The following PCDH15 variants were observed in gnomAD, a reference collection of about 807,000 sequenced individuals.
PCDH15 encodes protocadherin related 15.
In PCDH15, 129 loss-of-function variants were observed where a neutral mutation model predicts 178.5. The observed-to-expected ratio is 0.72, with a 90% confidence interval of 0.63 to 0.84. The LOEUF is 0.84. Among genes scored for constraint, PCDH15 ranks in the 40% least tolerant of loss-of-function variants. PCDH15 has a pLI of 0.00. For missense variants in PCDH15, 2,230 were observed against 2,099.9 expected (o/e 1.06, Z -1.21); for synonymous variants, 800 against 732.0 (o/e 1.09, Z -1.50).
rs529100962 is a variant in PCDH15, at chr10:54,950,089, C to T, written c.-79-52589G>A. Among the ~76,000 whole-genome samples, 3 of 152,082 alleles carry T rather than the reference C, an allele frequency of 2.0e-5. No individual in the cohort carries two copies. The East Asian group carries it at 5.8e-4, about 29-fold the overall frequency. On this transcript the variant is annotated intron_variant, in intron 2 of 5. Transcript: ENST00000458638. ...ACAGCAGTGCACTATTATCTCGATACCAATTTACTATATTAGTCCATTTTC... is the reference window on the plus strand; with the variant it reads ...ACAGCAGTGCACTATTATCTCGATATCAATTTACTATATTAGTCCATTTTC...
At chr10:54,937,680 C>T (rs1433235714) in intron 2 of PCDH15, among the ~76,000 whole-genome samples, 1 of 151,834 alleles carries the variant, frequency 6.6e-6, no homozygotes, top group Non-Finnish European at 1.5e-5. Context: ...TCTGCAACCT[C>T]GATGGTCTTA....
intron 3 of PCDH15, among the ~76,000 whole-genome samples, chr10:54,413,216 G>T (rs1234329809): frequency 1.3e-5 from 2 of 152,198 alleles, no homozygotes; most frequent in South Asian, 2.1e-4. Context: ...TAATAGACAA[G>T]TAACGAAGGG....
intron 2 of PCDH15, among the ~76,000 whole-genome samples, chr10:55,466,015 T>C (rs1437638897): frequency 6.6e-6 from 1 of 152,210 alleles, no homozygotes; most frequent in Non-Finnish European, 1.5e-5. Context: ...ACATGCCTAC[T>C]GTGAGCTCTG....
intron 1 of PCDH15, among the ~76,000 whole-genome samples, chr10:55,177,665 C>T (rs779145079): frequency 1.8e-4 from 27 of 152,186 alleles, no homozygotes; most frequent in Non-Finnish European, 3.7e-4. Flanking sequence ...ACAACCATCT[C>T]CTCAAATATC....
At position 55,403,998 on chromosome 10, in the gene PCDH15, A is replaced by C. The variant is rs79424620; in HGVS notation, c.-156+223627T>G. ...AAGTTTAAATGGATACAGTCTAACT[A>C]TGGAAAGTTAAAGTTGCTGGATGGT... On this transcript the variant is annotated intron_variant, in intron 2 of 5. Coordinates refer to the PCDH15 transcript ENST00000613346. Among the ~76,000 whole-genome samples, 1,206 of 152,152 alleles carry C rather than the reference A, an allele frequency of 7.9e-3. 15 individuals are homozygous for C. Among genetic ancestry groups the C allele is most frequent in the African/African-American group, 0.026 (1,084 of 41,556 alleles).
At position 53,859,750 on chromosome 10, in the gene PCDH15, G is replaced by A. The variant is rs925792512; in HGVS notation, c.3718-2487C>T. 3.9e-5 allele frequency among the ~76,000 whole-genome samples: 6 copies of A among 152,136 alleles called. No homozygotes were observed. In the South Asian group the frequency reaches 1.0e-3, roughly 26 times the overall value. ...TAGATCCGAAAAACCATACAATCAGGTGTCAGGCTGTATATACCAGAAATC... is the reference window on the plus strand; with the variant it reads ...TAGATCCGAAAAACCATACAATCAGATGTCAGGCTGTATATACCAGAAATC... On this transcript the variant is annotated intron_variant, in intron 27 of 37. Coordinates refer to ENST00000644397, the MANE Select transcript of PCDH15 (RefSeq NM_001384140.1).
At chr10:53,988,070 G>A (rs1389514296) in intron 21 of PCDH15, among the ~76,000 whole-genome samples, 1 of 152,066 alleles carries the variant, frequency 6.6e-6, no homozygotes, top group East Asian at 1.9e-4. Context: ...TTTTCTGCCC[G>A]ATCCATCCCA....
chr10:55,539,892 C>A (rs896541425), intron 2 of PCDH15, among the ~76,000 whole-genome samples: 8 of 152,010 alleles, frequency 5.3e-5, no homozygotes, highest in Non-Finnish European at 8.8e-5. Context: ...CAGATATTAA[C>A]TTAGTTAATC....
intron 9 of PCDH15, among the ~76,000 whole-genome samples, chr10:54,227,877 A>G (rs763953986): frequency 3.2e-4 from 48 of 152,166 alleles, no homozygotes; most frequent in Non-Finnish European, 6.3e-4. Flanking sequence ...AAAACATAAC[A>G]AGAGTCACCT....
chr10:54,130,356 A>T (rs1013024510), intron 15 of PCDH15, among the ~76,000 whole-genome samples: 9 of 152,182 alleles, frequency 5.9e-5, no homozygotes, highest in African/African-American at 1.9e-4. Context: ...AGAGATGCAC[A>T]TGACTGGCTC....
chr10:54,183,499 AT>A lies in PCDH15; in HGVS notation c.1534del (p.Ile512TyrfsTer11). 6.2e-7 allele frequency: 1 copy of A among 1,613,810 alleles called. No homozygotes were observed. Among genetic ancestry groups the A allele is most frequent in the South Asian group, 1.1e-5 (1 of 91,080 alleles). On this transcript the variant is annotated frameshift_variant, in exon 13 of 38. Coordinates refer to ENST00000644397, the MANE Select transcript of PCDH15 (RefSeq NM_001384140.1). LOFTEE classifies it high-confidence loss of function. ...TGTATAAACATACACATCATAGGAT[AT>A]TTCAGGGAAGGTTGGCGTGTTATCA... The part of the protein sequence containing the change: ...ANDNTPTFPE[I>X]SYDVYVYTDM...
intron 8 of PCDH15, among the ~76,000 whole-genome samples, chr10:54,317,007 G>T (rs1221057966): frequency 6.6e-6 from 1 of 152,004 alleles, no homozygotes; most frequent in Non-Finnish European, 1.5e-5. Flanking sequence ...GAATTCCTTG[G>T]TGATTTATTG....
chr10:53,954,025 C>T (rs899602368), intron 23 of PCDH15, among the ~76,000 whole-genome samples: 9 of 152,106 alleles, frequency 5.9e-5, no homozygotes, highest in South Asian at 2.1e-4. Context: ...CTCCTGACCT[C>T]GTGATCCGCC....
At chr10:54,623,907 G>C (rs1252694365) in intron 2 of PCDH15, among the ~76,000 whole-genome samples, 1 of 152,052 alleles carries the variant, frequency 6.6e-6, no homozygotes, top group Non-Finnish European at 1.5e-5. Context: ...GGAAACTGTT[G>C]ATGGTTTATA....
chr10:54,024,572 T>C (rs2093025865), intron 18 of PCDH15, among the ~76,000 whole-genome samples: 1 of 152,134 alleles, frequency 6.6e-6, no homozygotes, highest in African/African-American at 2.4e-5. Flanking sequence ...CTATATGTCA[T>C]AATGCCAAGC....
At chr10:54,104,821 A>G (rs978534439) in intron 15 of PCDH15, among the ~76,000 whole-genome samples, 1 of 126,952 alleles carries the variant, frequency 7.9e-6, no homozygotes, top group Admixed American at 9.7e-5. Context: ...TGGCTGAGAG[A>G]GTGAGACTCT....
intron 1 of PCDH15, among the ~76,000 whole-genome samples, chr10:55,268,787 C>T (rs995242336): frequency 2.0e-5 from 3 of 151,952 alleles, no homozygotes; most frequent in African/African-American, 4.8e-5. Context: ...TGGAAATATA[C>T]CAGAATTCAT....
chr10:55,208,380 CT>C (rs1313812018), intron 1 of PCDH15, among the ~76,000 whole-genome samples: 1 of 151,948 alleles, frequency 6.6e-6, no homozygotes, highest in Non-Finnish European at 1.5e-5. Flanking sequence ...TGGATTCAAA[CT>C]TTTTCCACTC....
At position 55,090,469 on chromosome 10, in the gene PCDH15, G is replaced by A. The variant is rs185185654; in HGVS notation, c.-80+76107C>T. ...TAGATCTCACCCTGGAGCTAAATCT[G>A]TATTTAACAGCAGGGTAAAATTGTT... On this transcript the variant is annotated intron_variant, in intron 2 of 5. Coordinates refer to the PCDH15 transcript ENST00000458638. 4.4e-3 allele frequency among the ~76,000 whole-genome samples: 668 copies of A among 152,094 alleles called. 20 individuals carry two copies. The highest frequency in any genetic ancestry group is 2.6e-3 in the Non-Finnish European group (179 of 67,948).
Sources: gnomAD v4.1 joint callset for allele counts (sites outside exome capture counted in the v4.1 genomes callset) on GRCh38, gnomAD v4.1.1 for gene constraint, MANE v1.5 for transcripts, NCBI Gene and HGNC (gene_info 2026-07-23, HGNC 2026-07-21) for gene names.